The following BCL2L13 variants were observed in gnomAD, a reference collection of about 807,000 sequenced individuals.
BCL2L13 encodes the protein BCL2 like 13.
BCL2L13 carries 13 observed loss-of-function variants against 25.8 expected under a neutral mutation model. That is an observed-to-expected ratio of 0.50 (90% CI 0.33 to 0.80). The LOEUF (loss-of-function observed/expected upper bound fraction) is 0.80, where lower values mean the gene tolerates loss of function less well. Among genes scored for constraint, BCL2L13 ranks in the 30% least tolerant of loss-of-function variants. The pLI, the probability that BCL2L13 is intolerant of heterozygous loss-of-function variation, is 0.02. For synonymous variants in BCL2L13, 244 were observed against 230.3 expected (o/e 1.06, Z -0.54); for missense variants, 504 against 574.9 (o/e 0.88, Z 1.26).
chr22:17,637,294 C>G (rs571651928), upstream of BCL2L13, among the ~76,000 whole-genome samples: 1 of 151,382 alleles, frequency 6.6e-6, no homozygotes, highest in African/African-American at 2.4e-5. Flanking sequence ...GTAATCCCAG[C>G]TACTTGGGAG....
intron 2 of BCL2L13, among the ~76,000 whole-genome samples, chr22:17,678,375 AC>A (rs1299527148): frequency 6.6e-6 from 1 of 152,098 alleles, no homozygotes; most frequent in Non-Finnish European, 1.5e-5. Context: ...AGACAGTATC[AC>A]CGATATAGAC....
At position 17,729,087 on chromosome 22, in the gene BCL2L13, T is replaced by C. The variant is rs1348894405; in HGVS notation, c.*1553T>C. Reference sequence around the variant, plus strand: ...ATCTTAGTAAATGTAATAAATTATTTTTTAGATCTTGAAATTTATAATAAA... The same window carrying C: ...ATCTTAGTAAATGTAATAAATTATTCTTTAGATCTTGAAATTTATAATAAA... On this transcript the variant is annotated 3_prime_UTR_variant, in exon 7 of 7. Coordinates refer to ENST00000317582, the MANE Select transcript of BCL2L13 (RefSeq NM_015367.4). 6.6e-6 allele frequency: 1 copy of C among 152,242 alleles called. No homozygotes were observed. Among genetic ancestry groups the C allele is most frequent in the Admixed American group, 6.5e-5 (1 of 15,284 alleles). The allele number at this position is 152,242 out of a possible 1,614,324, so 9.4% of individuals were successfully genotyped here.
chr22:17,634,345 C>T (rs373201098), upstream of BCL2L13, among the ~76,000 whole-genome samples: 1 of 151,962 alleles, frequency 6.6e-6, no homozygotes, highest in East Asian at 1.9e-4. Flanking sequence ...GCCACCATGC[C>T]CGGCTAATTT....
intron 2 of BCL2L13, among the ~76,000 whole-genome samples, chr22:17,667,308 A>G (rs909055279): frequency 6.6e-6 from 1 of 151,932 alleles, no homozygotes; most frequent in African/African-American, 2.4e-5. Flanking sequence ...AGTAGTTGGG[A>G]TTACAGGTGC....
chr22:17,681,494 G>A lies in BCL2L13; in HGVS notation c.122-1720G>A, dbSNP rs961931408. Among the ~76,000 whole-genome samples the A allele has an allele frequency of 5.4e-5, 8 of 147,646 alleles. No individual in the cohort carries two copies. The East Asian group carries it at 7.9e-4, about 15-fold the overall frequency. On this transcript the variant is annotated intron_variant, in intron 2 of 6. Coordinates refer to ENST00000317582, the MANE Select transcript of BCL2L13 (RefSeq NM_015367.4). ...AGCCTGGGGGACAGAGCGAGACTCCGTCTGAAAAAAAAAAAAAGGAAAATT... is the reference window on the plus strand; with the variant it reads ...AGCCTGGGGGACAGAGCGAGACTCCATCTGAAAAAAAAAAAAAGGAAAATT...
chr22:17,695,982 A>G, intron 4 of BCL2L13, 159 bp from the exon 5 acceptor site: 2 of 561,682 alleles, frequency 3.6e-6, no homozygotes, highest in Non-Finnish European at 3.2e-6. Context: ...AAAAAAGTGC[A>G]TACTAGTGTG....
chr22:17,670,217 C>T (rs1289595946), intron 2 of BCL2L13, among the ~76,000 whole-genome samples: 2 of 152,030 alleles, frequency 1.3e-5, no homozygotes, highest in East Asian at 3.8e-4. Context: ...TTTGTTCTTC[C>T]TTTTCCAAGA....
chr22:17,712,503 T>C (rs1004997423), intron 6 of BCL2L13, among the ~76,000 whole-genome samples: 3 of 152,224 alleles, frequency 2.0e-5, no homozygotes, highest in Non-Finnish European at 4.4e-5. Context: ...TTCTTCTTCC[T>C]TGTAAAATTA....
At position 17,683,220 on chromosome 22, in the gene BCL2L13, A is replaced by G; in HGVS notation, c.128A>G (p.Gln43Arg). 1 of 1,540,598 alleles carries G rather than the reference A, an allele frequency of 6.5e-7. No homozygotes were observed. Among genetic ancestry groups the G allele is most frequent in the Non-Finnish European group, 8.9e-7 (1 of 1,121,836 alleles). Reference protein sequence around the residue: ...EQHLSSPQGVQLDIASQSLDQ... With the variant: ...EQHLSSPQGVRLDIASQSLDQ... ...CCTTTTTTGTTGCTTTCAGGGGTTCAACTAGATATAGCTTCACAATCTCTG... is the reference window on the plus strand; with the variant it reads ...CCTTTTTTGTTGCTTTCAGGGGTTCGACTAGATATAGCTTCACAATCTCTG... Residue 43 changes from glutamine to arginine, a missense_variant, in exon 3 of 7, where the codon CAA becomes CGA. Gln to Arg is a conservative substitution (Grantham distance 43). Transcript: ENST00000317582.
chr22:17,719,396 A>T (rs1419837430), intron 6 of BCL2L13, among the ~76,000 whole-genome samples: 1 of 152,126 alleles, frequency 6.6e-6, no homozygotes, highest in Non-Finnish European at 1.5e-5. Context: ...TAAAATTACC[A>T]TATGATCTGG....
chr22:17,638,655 C>T, upstream of BCL2L13: 1 of 1,230,962 alleles, frequency 8.1e-7, no homozygotes, highest in Middle Eastern at 3.1e-4. Flanking sequence ...CCTCCGGGGC[C>T]TCCGTTGGTC....
intron 1 of BCL2L13, among the ~76,000 whole-genome samples, chr22:17,648,619 G>A (rs759413632): frequency 1.4e-4 from 22 of 151,966 alleles, no homozygotes; most frequent in Non-Finnish European, 2.9e-4. Context: ...TAACAAATAT[G>A]CATTTAAAGT....
intron 6 of BCL2L13, among the ~76,000 whole-genome samples, chr22:17,714,970 G>A (rs185826774): frequency 7.4e-4 from 112 of 151,124 alleles, no homozygotes; most frequent in African/African-American, 2.7e-3. Context: ...GCAAGACCTC[G>A]TCTCTACTAA....
At chr22:17,699,218 T>G (rs17207051) in intron 5 of BCL2L13, among the ~76,000 whole-genome samples, 8,008 of 152,306 alleles carry the variant, frequency 0.053, 348 homozygotes, top group African/African-American at 0.12. Flanking sequence ...ATGAATTCAG[T>G]ACAGATAAAA....
chr22:17,715,693 A>G (rs958883010), intron 6 of BCL2L13, among the ~76,000 whole-genome samples: 1 of 152,162 alleles, frequency 6.6e-6, no homozygotes, highest in Non-Finnish European at 1.5e-5. Flanking sequence ...GATAAATCCT[A>G]TGAGTTTAGA....
intron 1 of BCL2L13, among the ~76,000 whole-genome samples, chr22:17,629,293 C>G (rs1487730243): frequency 6.6e-6 from 1 of 152,184 alleles, no homozygotes; most frequent in African/African-American, 2.4e-5. Context: ...GGTTTCTCCA[C>G]TCTGAAGTTA....
At chr22:17,684,529 G>A in intron 3 of BCL2L13, 3 of 452,056 alleles carry the variant, frequency 6.6e-6, no homozygotes, top group South Asian at 4.7e-5. Flanking sequence ...GCCTATTCTG[G>A]AAATATACAT....
At chr22:17,632,878 CG>C (rs2058053291) in intron 1 of BCL2L13, among the ~76,000 whole-genome samples, 1 of 151,558 alleles carries the variant, frequency 6.6e-6, no homozygotes, top group African/African-American at 2.4e-5. Flanking sequence ...CTCAGCCTCC[CG>C]AGTAGCTGAG....
At chr22:17,721,178 A>AT (rs904806560) in intron 6 of BCL2L13, among the ~76,000 whole-genome samples, 35 of 151,450 alleles carry the variant, frequency 2.3e-4, no homozygotes, top group African/African-American at 8.5e-4. Context: ...TCAAAAAAAA[A>AT]AAATATATAT....
Sources: gnomAD v4.1 joint callset for allele counts (sites outside exome capture counted in the v4.1 genomes callset) on GRCh38, gnomAD v4.1.1 for gene constraint, MANE v1.5 for transcripts, NCBI Gene and HGNC (gene_info 2026-07-23, HGNC 2026-07-21) for gene names.